Variants in PRKDC observed in about 807,000 individuals in gnomAD.
PRKDC encodes the protein protein kinase, DNA-activated, catalytic subunit.
A neutral mutation model predicts 486.9 loss-of-function variants in PRKDC; 82 were observed. The observed-to-expected ratio is 0.17, with a 90% confidence interval of 0.14 to 0.20. The LOEUF (loss-of-function observed/expected upper bound fraction) is 0.20. PRKDC is among the 10% of genes least tolerant of loss of function. The pLI is 1.00. For missense variants in PRKDC, 4,504 were observed against 5,038.2 expected (o/e 0.89, Z 3.21); for synonymous variants, 1,895 against 1,837.0 (o/e 1.03, Z -0.81).
chr8:47,947,100 T>C (rs1385929018), intron 7 of PRKDC, among the ~76,000 whole-genome samples: 1 of 152,194 alleles, frequency 6.6e-6, no homozygotes, highest in Non-Finnish European at 1.5e-5. Context: ...ACACCAGCTC[T>C]TGTGGACCCT....
Position 47,944,008 on chromosome 8 carries a change from A to G in PRKDC, c.743T>C (p.Ile248Thr). The G allele has an allele frequency of 6.4e-7, 1 of 1,564,046 alleles. No homozygotes were observed. The highest frequency in any genetic ancestry group is 1.2e-5 in the South Asian group (1 of 84,964). Residue 248 changes from isoleucine (I) to threonine (T), a missense_variant, in exon 8 of 86, where the codon ATT becomes ACT. Physicochemically the swap from Ile to Thr is moderately conservative, Grantham distance 89. Coordinates refer to ENST00000314191, the MANE Select transcript of PRKDC (RefSeq NM_006904.7). The stretch of plus-strand genomic sequence containing the variant: ...AATTGCCTTTAGTACAAAATTAAAA[A>G]TCTCCCTTGAAGTCTGGGGATCTAG... ...MEEDPQTSRE[I>T]FNFVLKAIRP... is the part of the protein sequence containing the mutation.
chr8:47,954,027 T>C, intron 5 of PRKDC, 108 bp from the exon 6 acceptor site: 3 of 644,306 alleles, frequency 4.7e-6, no homozygotes, highest in Non-Finnish European at 2.5e-6. Context: ...AAAATTGATT[T>C]TACAGTAAGA....
chr8:47,828,915 C>A (rs1360511537), intron 61 of PRKDC, among the ~76,000 whole-genome samples: 2 of 152,190 alleles, frequency 1.3e-5, no homozygotes, highest in Non-Finnish European at 2.9e-5. Context: ...TCAGCTCCCG[C>A]AAATAGCACA....
chr8:47,945,891 G>GT (rs1453167257), intron 7 of PRKDC, among the ~76,000 whole-genome samples: 3 of 151,436 alleles, frequency 2.0e-5, no homozygotes, highest in Admixed American at 2.0e-4. Flanking sequence ...CCGGCTAATT[G>GT]TTTTGTATTT....
intron 74 of PRKDC, among the ~76,000 whole-genome samples, chr8:47,793,924 G>C (rs1419237875): frequency 6.6e-6 from 1 of 152,110 alleles, no homozygotes; most frequent in Non-Finnish European, 1.5e-5. Flanking sequence ...GAGTGGACAG[G>C]ATGACACTTG....
chr8:47,878,716 TATTTA>T, intron 39 of PRKDC, among the ~76,000 whole-genome samples: 1 of 152,352 alleles, frequency 6.6e-6, no homozygotes, highest in African/African-American at 2.4e-5. Flanking sequence ...TGCTTCTGCA[TATTTA>T]ATTTCCAAGG....
Position 47,886,077 on chromosome 8 carries a change from C to A in PRKDC, c.4643G>T (p.Gly1548Val). The change falls in exon 36 of 86, where the codon GGC becomes GTC. Residue 1548 changes from glycine (G) to valine (V), a missense_variant. Physicochemically the swap from Gly to Val is moderately radical, Grantham distance 109 (BLOSUM62 -3). This residue lies in a region of PRKDC where 1,969 missense variants were observed against 2,068.9 expected (regional missense o/e 0.95). Coordinates refer to ENST00000314191, the MANE Select transcript of PRKDC (RefSeq NM_006904.7). ...LSTASLGSSQ[G>V]SVIHFSHGEY... The stretch of plus-strand genomic sequence containing the variant: ...CCCATGGGAGAAGTGGATGACGCTG[C>A]CCTGTGAGCTGCCCAAGGACGCCGT... 6.2e-7 allele frequency: 1 copy of A among 1,613,618 alleles called. No individual in the cohort carries two copies. Among genetic ancestry groups the A allele is most frequent in the Non-Finnish European group, 8.5e-7 (1 of 1,179,900 alleles).
intron 43 of PRKDC, 50 bp from the exon 44 acceptor site, chr8:47,862,177 A>T (rs2088693489): frequency 6.8e-7 from 1 of 1,476,316 alleles, no homozygotes; most frequent in Non-Finnish European, 9.2e-7. Context: ...GAAGATCCTC[A>T]TAATCGATGT....
At chr8:47,876,137 G>T (rs1353809561) in intron 40 of PRKDC, among the ~76,000 whole-genome samples, 1 of 152,114 alleles carries the variant, frequency 6.6e-6, no homozygotes, top group Non-Finnish European at 1.5e-5. Context: ...GTCCTGTGGG[G>T]TCTTACTGGG....
chr8:47,867,780 A>AT (rs1280949242), intron 40 of PRKDC, among the ~76,000 whole-genome samples: 10 of 152,094 alleles, frequency 6.6e-5, no homozygotes, highest in Admixed American at 6.5e-4. Flanking sequence ...ATTTTTGTTT[A>AT]TTTTTTCAGG....
At chr8:47,908,817 G>A (rs1159165790) in intron 25 of PRKDC, among the ~76,000 whole-genome samples, 2 of 152,236 alleles carry the variant, frequency 1.3e-5, no homozygotes, top group African/African-American at 4.8e-5. Context: ...TATGCTATGT[G>A]GTCATTACAT....
chr8:47,828,118 T>A (rs1296608441), intron 62 of PRKDC, 50 bp downstream of exon 62: 1 of 1,548,532 alleles, frequency 6.5e-7, no homozygotes, highest in Admixed American at 1.8e-5. Flanking sequence ...AAAGGCCATG[T>A]GAAGCCACAG....
chr8:47,854,818 T>C (rs1390418672), intron 50 of PRKDC, among the ~76,000 whole-genome samples: 1 of 152,250 alleles, frequency 6.6e-6, no homozygotes, highest in Admixed American at 6.5e-5. Context: ...TTTGTAACAC[T>C]GGCAATTTTA....
At chr8:47,810,478 T>C (rs1443415587) in intron 68 of PRKDC, among the ~76,000 whole-genome samples, 2 of 152,220 alleles carry the variant, frequency 1.3e-5, no homozygotes, top group Non-Finnish European at 2.9e-5. Flanking sequence ...AGGATTCCAC[T>C]GGGGATCTTT....
chr8:47,803,055 C>T (rs534860248), intron 70 of PRKDC, among the ~76,000 whole-genome samples: 98 of 152,090 alleles, frequency 6.4e-4, no homozygotes, highest in Non-Finnish European at 4.4e-4. Context: ...CCAAATTGCT[C>T]GGATTACAGG....
intron 1 of PRKDC, chr8:47,959,284 A>G (rs2090769226): frequency 6.6e-6 from 1 of 152,346 alleles, no homozygotes; most frequent in Admixed American, 6.5e-5. Flanking sequence ...AAAGAACATG[A>G]CTTCAATTAC....
intron 7 of PRKDC, among the ~76,000 whole-genome samples, chr8:47,948,098 GCACACA>G (rs141437463): frequency 0.014 from 1,928 of 140,270 alleles, 31 homozygotes; most frequent in African/African-American, 0.046. Context: ...AAATATATTT[GCACACA>G]CACACACACA....
intron 12 of PRKDC, 82 bp from the exon 13 acceptor site, chr8:47,935,982 C>T (rs1330868722): frequency 7.7e-7 from 1 of 1,302,862 alleles, no homozygotes; most frequent in South Asian, 1.5e-5. Context: ...AAAGTAATTA[C>T]AACTGAATTA....
chr8:47,810,147 C>T (rs1453713608), intron 68 of PRKDC, among the ~76,000 whole-genome samples: 1 of 152,196 alleles, frequency 6.6e-6, no homozygotes, highest in African/African-American at 2.4e-5. Flanking sequence ...ACAGAGCCTA[C>T]TATCTAAACA....
Sources: gnomAD v4.1 joint callset for allele counts (sites outside exome capture counted in the v4.1 genomes callset) on GRCh38, gnomAD v4.1.1 for gene constraint, gnomAD v4.1.1 regional missense constraint, MANE v1.5 for transcripts, NCBI Gene and HGNC (gene_info 2026-07-23, HGNC 2026-07-21) for gene names.